ARSB: variants seen among roughly 807,000 people sequenced by gnomAD.
The protein encoded by ARSB is N-acetylgalactosamine-4-sulfatase.
A neutral mutation model predicts 50.9 loss-of-function variants in ARSB; 41 were observed. The ratio of observed to expected loss-of-function variants is 0.81; its 90% CI spans 0.63 to 1.04. The LOEUF (loss-of-function observed/expected upper bound fraction) is 1.04. Among genes scored for constraint, ARSB ranks in the 50% least tolerant of loss-of-function variants. The pLI is 0.00. For synonymous variants in ARSB, 269 were observed against 284.8 expected (o/e 0.94, Z 0.56); for missense variants, 672 against 693.3 (o/e 0.97, Z 0.35).
intron 5 of ARSB, among the ~76,000 whole-genome samples, chr5:78,882,022 G>A (rs191539983): frequency 3.9e-5 from 6 of 152,356 alleles, no homozygotes; most frequent in African/African-American, 1.4e-4. Context: ...TAGCCTGAGT[G>A]GGGAAACCCA....
At chr5:78,819,002 A>G (rs1236627920) in intron 6 of ARSB, among the ~76,000 whole-genome samples, 2 of 152,152 alleles carry the variant, frequency 1.3e-5, no homozygotes, top group African/African-American at 4.8e-5. Context: ...GGGCCTGCAC[A>G]GTGAGCAGTG....
intron 4 of ARSB, among the ~76,000 whole-genome samples, chr5:78,946,470 G>A (rs1286064118): frequency 1.3e-5 from 2 of 152,088 alleles, no homozygotes; most frequent in Non-Finnish European, 2.9e-5. Flanking sequence ...TGCCAACAGT[G>A]AACAATCAGA....
intron 6 of ARSB, among the ~76,000 whole-genome samples, chr5:78,784,786 G>T (rs1279843012): frequency 6.8e-6 from 1 of 146,168 alleles, no homozygotes; most frequent in African/African-American, 2.5e-5. Flanking sequence ...GTGTTTAATT[G>T]ATTTTATTAG....
At chr5:78,867,508 C>T (rs1057074353) in intron 5 of ARSB, among the ~76,000 whole-genome samples, 2 of 152,326 alleles carry the variant, frequency 1.3e-5, no homozygotes, top group South Asian at 2.1e-4. Context: ...GGGTCCCTGA[C>T]CCCTGACCCC....
intron 5 of ARSB, among the ~76,000 whole-genome samples, chr5:78,879,338 T>A (rs992483703): frequency 1.3e-5 from 2 of 152,206 alleles, no homozygotes; most frequent in Non-Finnish European, 2.9e-5. Context: ...AGAGAAGTCA[T>A]GTCCCCTAGA....
At chr5:78,981,696 C>A (rs568403384) in intron 1 of ARSB, among the ~76,000 whole-genome samples, 31 of 152,316 alleles carry the variant, frequency 2.0e-4, no homozygotes, top group African/African-American at 6.3e-4. Context: ...CAGCCAAGAC[C>A]AAAACCTACA....
chr5:78,835,727 T>A (rs934826726), intron 6 of ARSB, among the ~76,000 whole-genome samples: 1 of 151,414 alleles, frequency 6.6e-6, no homozygotes, highest in Admixed American at 6.5e-5. Flanking sequence ...TAAGCAGCTT[T>A]GCTCCTTTGA....
chr5:78,826,277 C>T (rs951479977), intron 6 of ARSB, among the ~76,000 whole-genome samples: 2 of 152,058 alleles, frequency 1.3e-5, no homozygotes, highest in Non-Finnish European at 2.9e-5. Flanking sequence ...AAACCCCTGA[C>T]CTTGTGATCT....
In ARSB at chr5:78,937,416, G is replaced by GAT. The variant is rs1232080882; in HGVS notation, c.898+17877_898+17878dup. 2.3e-5 allele frequency among the ~76,000 whole-genome samples: 3 copies of GAT among 132,646 alleles called. No homozygotes were observed. In the East Asian group the frequency reaches 6.2e-4, roughly 27 times the overall value. The allele number at this position is 132,646 out of a possible 152,430, so 87.0% of individuals were successfully genotyped here. ...ATATATGTAAGATATATATATGTAA[G>GAT]ATATATATATCATATATATGATATA... On this transcript the variant is annotated intron_variant, in intron 4 of 7. Coordinates refer to ENST00000264914, the MANE Select transcript of ARSB (RefSeq NM_000046.5).
At chr5:78,968,756 G>A (rs1186108738) in intron 2 of ARSB, among the ~76,000 whole-genome samples, 4 of 152,126 alleles carry the variant, frequency 2.6e-5, no homozygotes, top group Non-Finnish European at 5.9e-5. Context: ...TCTCCAACGT[G>A]GATAGTAAAC....
chr5:78,969,477 C>CA (rs34055862), intron 1 of ARSB, among the ~76,000 whole-genome samples: 7 of 151,852 alleles, frequency 4.6e-5, no homozygotes, highest in Non-Finnish European at 8.8e-5. Context: ...CTTTTTGCCT[C>CA]AAAAAAAGTA....
chr5:78,791,934 T>C (rs1451286779), intron 6 of ARSB, among the ~76,000 whole-genome samples: 1 of 152,064 alleles, frequency 6.6e-6, no homozygotes, highest in African/African-American at 2.4e-5. Context: ...ATGCCAGGCG[T>C]GTCCAATCTT....
chr5:78,780,517 G>A lies in ARSB; in HGVS notation c.1482C>T (p.Ile494=), dbSNP rs767372619. ...GTAGGCGGGACAGGAGCTTTGTGACGATGTGAGGATATTCTCTGGACAGGT... is the reference window on the plus strand; with the variant it reads ...GTAGGCGGGACAGGAGCTTTGTGACAATGTGAGGATATTCTCTGGACAGGT... The part of the protein sequence containing the change: ...RHDLSREYPH[I]VTKLLSRLQF... Residue 494 remains isoleucine (I), a synonymous_variant, in exon 8 of 8, where the codon ATC becomes ATT. Coordinates refer to ENST00000264914, the MANE Select transcript of ARSB (RefSeq NM_000046.5). 21 of 1,614,008 alleles carry A rather than the reference G, an allele frequency of 1.3e-5. No individual in the cohort carries two copies. Among genetic ancestry groups the A allele is most frequent in the East Asian group, 4.5e-5 (2 of 44,896 alleles).
At chr5:78,837,997 T>C (rs1055695780) in intron 6 of ARSB, among the ~76,000 whole-genome samples, 1 of 152,226 alleles carries the variant, frequency 6.6e-6, no homozygotes, top group Non-Finnish European at 1.5e-5. Flanking sequence ...ACTTGGTCTT[T>C]ATTGCATCTC....
intron 4 of ARSB, among the ~76,000 whole-genome samples, chr5:78,923,620 CAG>C (rs1747516097): frequency 6.6e-6 from 1 of 152,222 alleles, no homozygotes; most frequent in Non-Finnish European, 1.5e-5. Context: ...ATCTGAAAAA[CAG>C]AGAATAACAT....
At chr5:78,962,856 A>G (rs1180316181) in intron 3 of ARSB, among the ~76,000 whole-genome samples, 2 of 152,212 alleles carry the variant, frequency 1.3e-5, no homozygotes, top group African/African-American at 4.8e-5. Flanking sequence ...GATGCCAGCA[A>G]TCTGGCATTT....
chr5:78,783,350 T>G (rs937741253), intron 6 of ARSB: 1 of 152,104 alleles, frequency 6.6e-6, no homozygotes, highest in African/African-American at 2.4e-5. Flanking sequence ...GGGGTTTTCA[T>G]GCAGGGTGTG....
chr5:78,926,500 T>C (rs925342987), intron 4 of ARSB, among the ~76,000 whole-genome samples: 1 of 152,162 alleles, frequency 6.6e-6, no homozygotes, highest in Admixed American at 6.5e-5. Context: ...ATGAATTGCA[T>C]CTTTCAATGG....
chr5:78,887,970 GA>G (rs1313453029), intron 4 of ARSB, among the ~76,000 whole-genome samples: 1 of 152,228 alleles, frequency 6.6e-6, no homozygotes, highest in Non-Finnish European at 1.5e-5. Context: ...TGTTGGGGAA[GA>G]AATTCAAGGC....
Sources: gnomAD v4.1 joint callset for allele counts (sites outside exome capture counted in the v4.1 genomes callset) on GRCh38, gnomAD v4.1.1 for gene constraint, MANE v1.5 for transcripts, NCBI Gene and HGNC (gene_info 2026-07-23, HGNC 2026-07-21) for gene names.